Variants in MYBPC3 observed in about 807,000 individuals in gnomAD.
MYBPC3 encodes the protein myosin binding protein C3.
Under a neutral mutation model 159.3 loss-of-function variants are expected in MYBPC3, and 108 were observed. The observed-to-expected ratio is 0.68, with a 90% CI of 0.58 to 0.80. The LOEUF is 0.80. Ranked by LOEUF, MYBPC3 falls within the 30% of genes least tolerant of loss-of-function variation. The pLI, the probability that MYBPC3 is intolerant of heterozygous loss-of-function variation, is 0.00. For synonymous variants in MYBPC3, 730 were observed against 702.0 expected (o/e 1.04, Z -0.63); for missense variants, 1,631 against 1,762.1 (o/e 0.93, Z 1.33).
Position 47,349,936 on chromosome 11 carries a change from G to A in MYBPC3, c.506-14C>T, listed in dbSNP as rs1178203078. 3.1e-6 allele frequency: 5 copies of A among 1,588,990 alleles called. No individual in the cohort carries two copies. The highest frequency in any genetic ancestry group is 2.6e-6 in the Non-Finnish European group (3 of 1,167,964). On this transcript the variant is annotated splice_polypyrimidine_tract_variant and intron_variant, in intron 4 of 34. Transcript: ENST00000545968. Reference sequence around the variant, plus strand: ...TGATGCTGCCACCTGCAAAGGCAGGGGCGACAGGCCCGGCTTGGGGAGTGT... The same window carrying A: ...TGATGCTGCCACCTGCAAAGGCAGGAGCGACAGGCCCGGCTTGGGGAGTGT...
At position 47,338,428 on chromosome 11, in the gene MYBPC3, G is replaced by C; in HGVS notation, c.2308+92C>G. On this transcript the variant is annotated intron_variant, in intron 23 of 34. Coordinates refer to ENST00000545968, the MANE Select transcript of MYBPC3 (RefSeq NM_000256.3). This position sits in a 1 kb window ranked among gnomAD's most constrained non-coding sequence, Gnocchi z 4.7. Reference sequence around the variant, plus strand: ...CGCTCGGCTCAGGGAGCATGCCCGTGATGTTTGTCGAGTGGCTGAATGAGC... The same window carrying C: ...CGCTCGGCTCAGGGAGCATGCCCGTCATGTTTGTCGAGTGGCTGAATGAGC... The C allele has an allele frequency of 6.4e-7, 1 of 1,563,222 alleles. No individual in the cohort carries two copies. The highest frequency in any genetic ancestry group is 8.7e-7 in the Non-Finnish European group (1 of 1,145,368).
Position 47,332,109 on chromosome 11 carries a change from C to T in MYBPC3, c.3777G>A (p.Gln1259=), listed in dbSNP as rs746042492. The T allele has an allele frequency of 3.0e-5, 48 of 1,613,342 alleles. No individual in the cohort carries two copies. Among genetic ancestry groups the T allele is most frequent in the Non-Finnish European group, 3.3e-5 (39 of 1,179,740 alleles). ...GGCGGCACTCACACCGTGCCTCGCC[C>T]TGTAAGTTGGTGGCCCTGCAGACAT... ...GIYVCRATNL[Q]GEARCECRLE... The change falls in exon 33 of 35, where the codon CAG becomes CAA. Residue 1259 remains glutamine (Q), a synonymous_variant. Transcript: ENST00000545968. This position sits in a 1 kb window ranked among gnomAD's most constrained non-coding sequence, Gnocchi z 4.2.
chr11:47,334,202 G>A (rs1337376187), intron 27 of MYBPC3, among the ~76,000 whole-genome samples, 192 bp from the exon 28 acceptor site: 1 of 152,230 alleles, frequency 6.6e-6, no homozygotes, highest in Admixed American at 6.5e-5. Context: ...GCTTCCCCGA[G>A]CCTCACCACT....
chr11:47,346,321 G>A lies in MYBPC3; in HGVS notation c.976C>T (p.Arg326Trp), dbSNP rs776681371. The part of the protein sequence containing the change: ...PAEEDVWEIL[R>W]QAPPSEYERI... ...TCGTACTCAGATGGGGGTGCCTGCC[G>A]TAGGATCTCCCACACGTCCTCCTCT... The change falls in exon 12 of 35, where the codon CGG becomes TGG. Residue 326 changes from arginine (R) to tryptophan (W), a missense_variant. Coordinates refer to ENST00000545968, the MANE Select transcript of MYBPC3 (RefSeq NM_000256.3). The surrounding 1 kb of genome is among the most constrained non-coding windows in gnomAD (Gnocchi z 5.3). 6 of 1,611,246 alleles carry A rather than the reference G, an allele frequency of 3.7e-6. No individual in the cohort carries two copies. The highest frequency in any genetic ancestry group is 1.1e-5 in the South Asian group (1 of 90,570).
chr11:47,337,872 T>G lies in MYBPC3; in HGVS notation c.2309-78A>C. ...GTAACGTTGCTCGTCCCCTTCCCAC[T>G]CCAACTAACCGCCACAGGCTGCCCC... On this transcript the variant is annotated intron_variant, in intron 23 of 34. Transcript: ENST00000545968. 6 of 1,257,680 alleles carry G rather than the reference T, an allele frequency of 4.8e-6. No homozygotes were observed. The South Asian group carries it at 7.9e-5, about 17-fold the overall frequency. 77.9% of individuals were successfully genotyped at this position (1,257,680 alleles called of 1,614,324 possible).
At position 47,337,424 on chromosome 11, in the gene MYBPC3, G is replaced by A; in HGVS notation, c.2569C>T (p.Pro857Ser). Residue 857 changes from proline (P) to serine (S), a missense_variant, in exon 25 of 35, where the codon CCC (proline) becomes TCC (serine). Pro to Ser is a moderately conservative substitution (Grantham distance 74). Transcript: ENST00000545968. ...YAVNAIGMSR[P>S]SPASQPFMPI... ...ATGAAGGGCTGGGAGGCAGGGCTGG[G>A]CCTGGACATGCCGATGGCGTTGACC... is the stretch of plus-strand genomic sequence containing the variant. The A allele has an allele frequency of 6.2e-7, 1 of 1,607,468 alleles. No homozygotes were observed. The highest frequency in any genetic ancestry group is 8.5e-7 in the Non-Finnish European group (1 of 1,177,052).
chr11:47,343,463 C>T lies in MYBPC3; in HGVS notation c.1223+29G>A, dbSNP rs11570078. On this transcript the variant is annotated intron_variant, in intron 13 of 34. Coordinates refer to ENST00000545968, the MANE Select transcript of MYBPC3 (RefSeq NM_000256.3). ...GGCTATGGGGGTCCCCACCTCCACC[C>T]GAGCCCCCCTCCCCACCCCAGGCTG... 181,693 of 1,555,348 alleles carry T rather than the reference C, an allele frequency of 0.12. 11,473 individuals carry two copies. Among genetic ancestry groups the T allele is most frequent in the Non-Finnish European group, 0.13 (147,638 of 1,150,390 alleles).
At chr11:47,348,384 G>T in intron 6 of MYBPC3, 40 bp downstream of exon 6, 1 of 1,462,952 alleles carries the variant, frequency 6.8e-7, no homozygotes, top group Non-Finnish European at 9.5e-7. Flanking sequence ...CAGGACCCAT[G>T]GGGAGCCCGA....
At chr11:47,347,773 C>A (rs894167678) in intron 7 of MYBPC3, 84 bp downstream of exon 7, 1 of 1,546,836 alleles carries the variant, frequency 6.5e-7, no homozygotes, top group Admixed American at 2.0e-5. Flanking sequence ...GCAAATCATC[C>A]CCAGCCCTGA....
intron 5 of MYBPC3, 51 bp downstream of exon 5, chr11:47,349,723 G>T: frequency 6.3e-7 from 1 of 1,580,740 alleles, no homozygotes. Flanking sequence ...GTGCCTTCTA[G>T]GGCTCTCCAT....
rs770344465 is a variant in MYBPC3, at chr11:47,349,937, G to A, written c.506-15C>T. ...GATGCTGCCACCTGCAAAGGCAGGG[G>A]CGACAGGCCCGGCTTGGGGAGTGTC... is the stretch of plus-strand genomic sequence containing the variant. On this transcript the variant is annotated splice_polypyrimidine_tract_variant and intron_variant, in intron 4 of 34. Coordinates refer to ENST00000545968, the MANE Select transcript of MYBPC3 (RefSeq NM_000256.3). 3.2e-6 allele frequency: 5 copies of A among 1,557,828 alleles called. No individual in the cohort carries two copies. The highest frequency in any genetic ancestry group is 4.3e-6 in the Non-Finnish European group (5 of 1,149,726).
Position 47,351,097 on chromosome 11 carries a change from A to AG in MYBPC3, c.292+141dup. 9.0e-7 allele frequency: 1 copy of AG among 1,108,966 alleles called. No homozygotes were observed. The highest frequency in any genetic ancestry group is 1.8e-5 in the South Asian group (1 of 55,580). 68.7% of individuals were successfully genotyped at this position (1,108,966 alleles called of 1,614,324 possible). Reference sequence around the variant, plus strand: ...GAGGTCATGTGCAGAAAAGGGGGAAAGGGCGTTCCTGGCGGGGGGCACAGC... The same window carrying AG: ...GAGGTCATGTGCAGAAAAGGGGGAAAGGGGCGTTCCTGGCGGGGGGCACAGC... On this transcript the variant is annotated intron_variant, in intron 2 of 34. Transcript: ENST00000545968. This position sits in a 1 kb window ranked among gnomAD's most constrained non-coding sequence, Gnocchi z 4.2.
Position 47,332,670 on chromosome 11 carries a change from G to C in MYBPC3, c.3523C>G (p.Leu1175Val), listed in dbSNP as rs778289016. ...ITYEPPNYKA[L>V]DFSEAPSFTQ... ...AAGCTTGGGGCCTCGGAGAAGTCCA[G>C]GGCCTTATAGTTGGGTGGCTCATAG... is the stretch of plus-strand genomic sequence containing the variant. The change falls in exon 32 of 35, where the codon CTG becomes GTG. Residue 1175 changes from leucine (L) to valine (V), a missense_variant. Transcript: ENST00000545968. This position sits in a 1 kb window ranked among gnomAD's most constrained non-coding sequence, Gnocchi z 4.2. 1 of 1,612,946 alleles carries C rather than the reference G, an allele frequency of 6.2e-7. No individual in the cohort carries two copies. The highest frequency in any genetic ancestry group is 1.7e-5 in the Admixed American group (1 of 59,846).
Position 47,350,038 on chromosome 11 carries a change from G to T in MYBPC3, c.481C>A (p.Pro161Thr), listed in dbSNP as rs397516053. ...CCCACGGTCACCTCGCCATCCTGTG[G>T]CCGCATCACGAAGAGGCCAATGGGG... ...DDPIGLFVMR[P>T]QDGEVTVGGS... The change falls in exon 4 of 35, where the codon CCA becomes ACA. Residue 161 changes from proline (P) to threonine (T), a missense_variant. Pro to Thr is a conservative substitution (Grantham distance 38). Coordinates refer to ENST00000545968, the MANE Select transcript of MYBPC3 (RefSeq NM_000256.3). 2 of 1,562,680 alleles carry T rather than the reference G, an allele frequency of 1.3e-6. No individual in the cohort carries two copies. Among genetic ancestry groups the T allele is most frequent in the Non-Finnish European group, 1.7e-6 (2 of 1,153,378 alleles).
At position 47,347,125 on chromosome 11, in the gene MYBPC3, C is replaced by T. The variant is rs1020591501; in HGVS notation, c.906-96G>A. On this transcript the variant is annotated intron_variant, in intron 9 of 34. Coordinates refer to ENST00000545968, the MANE Select transcript of MYBPC3 (RefSeq NM_000256.3). ...AGTCAGTTGGGCCGACCTGGTAGAC[C>T]CTGCAGCTCTGGGGACCCTCTCTCT... 4 of 1,306,274 alleles carry T rather than the reference C, an allele frequency of 3.1e-6. No homozygotes were observed. The African/African-American group carries it at 4.4e-5, about 14-fold the overall frequency. The allele number at this position is 1,306,274 out of a possible 1,614,324, so 80.9% of individuals were successfully genotyped here. A position where few individuals can be genotyped will look rare whatever the true frequency, so the allele number is the denominator to read the frequency against.
At chr11:47,337,841 C>T in intron 23 of MYBPC3, 47 bp from the exon 24 acceptor site, 1 of 1,504,446 alleles carries the variant, frequency 6.6e-7, no homozygotes. Context: ...CCGCTCAGGG[C>T]CTTGAGTAAC....
At chr11:47,342,226 G>A (rs2095889438) in intron 17 of MYBPC3, 70 bp from the exon 18 acceptor site, 30 of 1,553,896 alleles carry the variant, frequency 1.9e-5, no homozygotes, top group Non-Finnish European at 2.1e-5. Flanking sequence ...TGTGGAGGGC[G>A]TGTGGGCCCA....
Position 47,346,595 on chromosome 11 carries a change from G to A in MYBPC3, c.926+32C>T. 1 of 1,560,490 alleles carries A rather than the reference G, an allele frequency of 6.4e-7. No individual in the cohort carries two copies. Among genetic ancestry groups the A allele is most frequent in the Non-Finnish European group, 8.7e-7 (1 of 1,151,180 alleles). ...AGGGGCTCCTGGCAGAATTAGGGGT[G>A]ATGAGGGTGCTGTGCTATGTTGGGC... On this transcript the variant is annotated intron_variant, in intron 11 of 34. Transcript: ENST00000545968. This position sits in a 1 kb window ranked among gnomAD's most constrained non-coding sequence, Gnocchi z 5.3.
In MYBPC3 at chr11:47,338,614, G is replaced by A. The variant is rs777613325; in HGVS notation, c.2214C>T (p.Val738=). The A allele has an allele frequency of 1.7e-5, 28 of 1,613,806 alleles. No individual in the cohort carries two copies. The highest frequency in any genetic ancestry group is 5.0e-5 in the Admixed American group (3 of 59,994). ...ETTKDRSIFT[V]EGAEKEDEGV... ...CCTCATCTTCCTTCTCTGCCCCCTC[G>A]ACCGTGAAGATGCTGCGGTCCTTGG... Residue 738 remains valine, a synonymous_variant, in exon 23 of 35, where the codon GTC becomes GTT. Transcript: ENST00000545968. The surrounding 1 kb of genome is among the most constrained non-coding windows in gnomAD (Gnocchi z 4.7).
Sources: allele counts gnomAD v4.1 joint callset (sites outside exome capture counted in the v4.1 genomes callset), GRCh38; gene constraint gnomAD v4.1.1; non-coding constraint Gnocchi (gnomAD v3.1); transcripts MANE v1.5; gene names NCBI Gene and HGNC (gene_info 2026-07-23, HGNC 2026-07-21).